The following CNTNAP2 variants were observed in gnomAD, a reference collection of about 807,000 sequenced individuals.
CNTNAP2 encodes the protein contactin associated protein 2, also known as contactin-associated protein-like 2.
CNTNAP2 carries 98 observed loss-of-function variants against 155.2 expected under a neutral mutation model. The ratio of observed to expected loss-of-function variants is 0.63; its 90% CI spans 0.54 to 0.75. CNTNAP2 has a LOEUF of 0.75. CNTNAP2 is among the 30% of genes least tolerant of loss of function. CNTNAP2 has a pLI of 0.00. For missense variants in CNTNAP2, 1,727 were observed against 1,688.1 expected (o/e 1.02, Z -0.40); for synonymous variants, 651 against 631.2 (o/e 1.03, Z -0.47).
intron 1 of CNTNAP2, among the ~76,000 whole-genome samples, chr7:146,243,434 T>A (rs1799595078): frequency 6.6e-6 from 1 of 152,184 alleles, no homozygotes; most frequent in South Asian, 2.1e-4. Context: ...CCAGATCTTC[T>A]CTTTTGGGCA....
chr7:146,875,955 A>AAC (rs1562983093), intron 3 of CNTNAP2, among the ~76,000 whole-genome samples: 5 of 139,086 alleles, frequency 3.6e-5, no homozygotes, highest in African/African-American at 1.1e-4. Flanking sequence ...AAAAAAAAAA[A>AAC]AAAAAACAAA....
intron 4 of CNTNAP2, among the ~76,000 whole-genome samples, chr7:147,089,379 A>G (rs1049809282): frequency 6.6e-6 from 1 of 152,176 alleles, no homozygotes; most frequent in Non-Finnish European, 1.5e-5. Context: ...TAAAACCTTT[A>G]TAAATAGCAT....
Position 147,562,130 on chromosome 7 carries a change from T to C in CNTNAP2, c.1778-8T>C, listed in dbSNP as rs747206725. ...CTGTGCTTATGTAGGATATTTTGTT[T>C]GTTCTAGCTATCTACGAGCCTTCCT... On this transcript the variant is annotated splice_region_variant and splice_polypyrimidine_tract_variant and intron_variant, in intron 11 of 23. Transcript: ENST00000361727. The C allele has an allele frequency of 6.2e-7, 1 of 1,613,912 alleles. No individual in the cohort carries two copies. Among genetic ancestry groups the C allele is most frequent in the South Asian group, 1.1e-5 (1 of 91,084 alleles).
At chr7:146,333,356 A>G (rs1352643411) in intron 1 of CNTNAP2, among the ~76,000 whole-genome samples, 3 of 152,170 alleles carry the variant, frequency 2.0e-5, no homozygotes, top group African/African-American at 7.2e-5. Context: ...ATTGTAATTT[A>G]CTTTTGAATT....
chr7:147,623,576 A>G (rs992264335), intron 12 of CNTNAP2, among the ~76,000 whole-genome samples: 83 of 152,044 alleles, frequency 5.5e-4, no homozygotes, highest in African/African-American at 1.9e-3. Flanking sequence ...TGAAAAATAT[A>G]AAACACTCAT....
chr7:146,294,023 AGAT>A (rs1420401454), intron 1 of CNTNAP2, among the ~76,000 whole-genome samples: 1 of 152,168 alleles, frequency 6.6e-6, no homozygotes, highest in Non-Finnish European at 1.5e-5. Context: ...GTGACACCTT[AGAT>A]AAGAGTGAAA....
intron 1 of CNTNAP2, among the ~76,000 whole-genome samples, chr7:146,323,618 T>C (rs1185296639): frequency 6.6e-6 from 1 of 152,158 alleles, no homozygotes; most frequent in Non-Finnish European, 1.5e-5. Flanking sequence ...ATATTATCCA[T>C]AATATGGATC....
At chr7:148,130,532 T>C (rs1401928017) in intron 16 of CNTNAP2, among the ~76,000 whole-genome samples, 1 of 152,212 alleles carries the variant, frequency 6.6e-6, no homozygotes, top group African/African-American at 2.4e-5. Flanking sequence ...CAGTTACTCC[T>C]TTCCTTACAG....
At chr7:147,704,296 A>C (rs1036149803) in intron 13 of CNTNAP2, 2 of 161,456 alleles carry the variant, frequency 1.2e-5, no homozygotes, top group Non-Finnish European at 2.9e-5. Context: ...CTTTCTTATA[A>C]ATTATATTCT....
At chr7:146,171,669 G>T (rs968960842) in intron 1 of CNTNAP2, among the ~76,000 whole-genome samples, 3 of 151,744 alleles carry the variant, frequency 2.0e-5, no homozygotes. Context: ...ATTTTCTTTG[G>T]CCAAAATTTC....
intron 15 of CNTNAP2, among the ~76,000 whole-genome samples, chr7:148,005,244 C>T (rs1801954140): frequency 6.6e-6 from 1 of 152,152 alleles, no homozygotes; most frequent in Non-Finnish European, 1.5e-5. Flanking sequence ...GTGGGAAGAA[C>T]CAGAGAGCTC....
At chr7:146,900,628 T>C (rs1795973791) in intron 3 of CNTNAP2, among the ~76,000 whole-genome samples, 1 of 152,144 alleles carries the variant, frequency 6.6e-6, no homozygotes, top group Non-Finnish European at 1.5e-5. Flanking sequence ...CCTCTCCCAC[T>C]CCCAGTCCCA....
chr7:148,271,201 G>T (rs181109987), intron 21 of CNTNAP2, among the ~76,000 whole-genome samples: 204 of 152,288 alleles, frequency 1.3e-3, no homozygotes, highest in Middle Eastern at 6.8e-3. Flanking sequence ...ACAGACCATT[G>T]TTACCCTCGT....
chr7:147,012,912 T>A (rs1451243134), intron 3 of CNTNAP2, among the ~76,000 whole-genome samples: 1 of 152,078 alleles, frequency 6.6e-6, no homozygotes, highest in Non-Finnish European at 1.5e-5. Context: ...AACACAGATG[T>A]GTAGTGATGT....
chr7:147,518,553 A>G (rs1668067928), intron 11 of CNTNAP2, among the ~76,000 whole-genome samples: 1 of 152,160 alleles, frequency 6.6e-6, no homozygotes, highest in African/African-American at 2.4e-5. Context: ...GATCAGAAAC[A>G]TTTTGTAGCT....
chr7:147,513,394 G>T (rs992253300), intron 11 of CNTNAP2, among the ~76,000 whole-genome samples: 5 of 151,874 alleles, frequency 3.3e-5, no homozygotes, highest in Admixed American at 6.6e-5. Context: ...AATGTATTAT[G>T]AATAAATGTG....
chr7:148,022,592 T>C (rs1015908769), intron 15 of CNTNAP2, among the ~76,000 whole-genome samples: 29 of 152,178 alleles, frequency 1.9e-4, no homozygotes, highest in African/African-American at 6.3e-4. Flanking sequence ...GTTCCATCAG[T>C]GTGCCCTGTG....
intron 9 of CNTNAP2, among the ~76,000 whole-genome samples, chr7:147,342,025 G>A (rs527731809): frequency 3.8e-4 from 58 of 152,252 alleles, no homozygotes; most frequent in Middle Eastern, 6.8e-3. Context: ...AGTTCTTGAT[G>A]AGGGTACTCT....
At chr7:146,920,975 G>C (rs1796486439) in intron 3 of CNTNAP2, among the ~76,000 whole-genome samples, 1 of 152,140 alleles carries the variant, frequency 6.6e-6, no homozygotes, top group South Asian at 2.1e-4. Flanking sequence ...ATAAATGGTA[G>C]GGCATATTTT....
Sources: gnomAD v4.1 joint callset for allele counts (sites outside exome capture counted in the v4.1 genomes callset) on GRCh38, gnomAD v4.1.1 for gene constraint, MANE v1.5 for transcripts, NCBI Gene and HGNC (gene_info 2026-07-23, HGNC 2026-07-21) for gene names.